The following ZMYM4 variants were observed in gnomAD, a reference collection of about 807,000 sequenced individuals.
ZMYM4 encodes the protein zinc finger MYM-type protein 4.
In ZMYM4, 31 loss-of-function variants were observed where a neutral mutation model predicts 183.2. That is an observed-to-expected ratio of 0.17 (90% CI 0.13 to 0.23). ZMYM4 has a LOEUF of 0.23. ZMYM4 is among the 10% of genes least tolerant of loss of function. The probability of loss-of-function intolerance (pLI) is 1.00; values close to 1 mark genes in which losing one functional copy is unlikely to be tolerated. For missense variants in ZMYM4, 1,273 were observed against 1,840.3 expected (o/e 0.69, Z 5.64); for synonymous variants, 592 against 631.2 (o/e 0.94, Z 0.93).
In ZMYM4 at chr1:35,419,382, C is replaced by A; in HGVS notation, c.4440-88C>A. 4 of 1,413,010 alleles carry A rather than the reference C, an allele frequency of 2.8e-6. 1 individual carries two copies. In the South Asian group the frequency reaches 5.3e-5, roughly 19 times the overall value. 87.5% of individuals were successfully genotyped at this position (1,413,010 alleles called of 1,614,324 possible). On this transcript the variant is annotated intron_variant, in intron 29 of 29. Transcript: ENST00000314607. ...TTTAATTACTTTTAATGGCAAAAAC[C>A]TCAGTTTACTTAAGAATAGTACATA...
In ZMYM4 at chr1:35,374,624, G is replaced by A. The variant is rs1304532140; in HGVS notation, c.1181+3997G>A. ...AGACTCAGCCTGGGCAACATAGTGA[G>A]ACCTGGTCCCCCCCAGCTCCTAAAA... On this transcript the variant is annotated intron_variant, in intron 7 of 29. Transcript: ENST00000314607. 5.4e-5 allele frequency among the ~76,000 whole-genome samples: 8 copies of A among 148,462 alleles called. No individual in the cohort carries two copies. In the East Asian group the frequency reaches 1.6e-3, roughly 30 times the overall value.
At chr1:35,393,824 C>G (rs979927241) in intron 18 of ZMYM4, 85 bp downstream of exon 18, 143 of 1,412,288 alleles carry the variant, frequency 1.0e-4, no homozygotes, top group Middle Eastern at 1.9e-4. Flanking sequence ...CTGCTATTTC[C>G]TAGGTGATGT....
chr1:35,288,835 A>G (rs1640625608), intron 1 of ZMYM4, among the ~76,000 whole-genome samples: 1 of 152,124 alleles, frequency 6.6e-6, no homozygotes, highest in Non-Finnish European at 1.5e-5. Flanking sequence ...ATGACCTATA[A>G]TTTGTGTCCT....
intron 1 of ZMYM4, among the ~76,000 whole-genome samples, chr1:35,306,044 T>G (rs1208560134): frequency 6.6e-6 from 1 of 152,246 alleles, no homozygotes; most frequent in African/African-American, 2.4e-5. Flanking sequence ...CCTTTTAGAC[T>G]TAATGTAGTA....
At position 35,358,931 on chromosome 1, in the gene ZMYM4, G is replaced by C. The variant is rs761108094; in HGVS notation, c.92G>C (p.Gly31Ala). The C allele has an allele frequency of 8.1e-6, 13 of 1,609,940 alleles. No individual in the cohort carries two copies. The highest frequency in any genetic ancestry group is 1.1e-5 in the Non-Finnish European group (13 of 1,177,352). Residue 31 changes from glycine to alanine, a missense_variant, in exon 3 of 30, where the codon GGT (glycine) becomes GCT (alanine). Transcript: ENST00000314607. ...VFDEIVENCG[G>A]IMDTEMSEDI... Reference sequence around the variant, plus strand: ...CAGTATTTTACTTTTTAAGGTGGTGGTATCATGGATACAGAAATGTCTGAA... The same window carrying C: ...CAGTATTTTACTTTTTAAGGTGGTGCTATCATGGATACAGAAATGTCTGAA...
chr1:35,286,772 A>ATTT lies in ZMYM4; in HGVS notation c.39+17723_39+17725dup, dbSNP rs71062872. On this transcript the variant is annotated intron_variant, in intron 1 of 29. Transcript: ENST00000314607. Reference sequence around the variant, plus strand: ...ACCCTTGTGCCTGGCTATTTAAATAATTTTTTTTTTTTTTTTTTTTTTTTT... The same window carrying ATTT: ...ACCCTTGTGCCTGGCTATTTAAATAATTTTTTTTTTTTTTTTTTTTTTTTTTTT... Among the ~76,000 whole-genome samples the ATTT allele has an allele frequency of 6.9e-4, 32 of 46,522 alleles. 5 individuals are homozygous for ATTT. The highest frequency in any genetic ancestry group is 1.1e-3 in the Non-Finnish European group (26 of 22,876). The allele number at this position is 46,522 out of a possible 152,430, so 30.5% of individuals were successfully genotyped here. A position where few individuals can be genotyped will look rare whatever the true frequency, so the allele number is the denominator to read the frequency against.
chr1:35,404,758 A>G, intron 23 of ZMYM4: 1 of 265,656 alleles, frequency 3.8e-6, no homozygotes, highest in Non-Finnish European at 7.1e-6. Flanking sequence ...AGGTGAGTCT[A>G]TATCTGGAAC....
intron 1 of ZMYM4, among the ~76,000 whole-genome samples, chr1:35,316,030 A>G (rs1642030920): frequency 6.6e-6 from 1 of 152,238 alleles, no homozygotes; most frequent in Non-Finnish European, 1.5e-5. Context: ...CTTAACAAGT[A>G]TTCAGTGTCC....
intron 1 of ZMYM4, among the ~76,000 whole-genome samples, chr1:35,288,275 T>C (rs1486038531): frequency 6.6e-6 from 1 of 152,218 alleles, no homozygotes; most frequent in Admixed American, 6.5e-5. Flanking sequence ...CCCCATTCAT[T>C]TTTACACATT....
chr1:35,311,087 G>A (rs1347603434), intron 1 of ZMYM4, among the ~76,000 whole-genome samples: 1 of 152,112 alleles, frequency 6.6e-6, no homozygotes, highest in African/African-American at 2.4e-5. Context: ...TGCCACTGTA[G>A]TGTTATCTGT....
At chr1:35,407,945 G>GT in intron 25 of ZMYM4, 63 bp from the exon 26 acceptor site, 1 of 1,600,218 alleles carries the variant, frequency 6.2e-7, no homozygotes. Flanking sequence ...TGTTTATTCA[G>GT]TTAATCAATG....
chr1:35,337,339 G>A (rs1276609696), intron 2 of ZMYM4, among the ~76,000 whole-genome samples: 1 of 152,168 alleles, frequency 6.6e-6, no homozygotes, highest in Non-Finnish European at 1.5e-5. Flanking sequence ...TCTAGCCTGA[G>A]CAACAGAGCA....
rs371294227 is a variant in ZMYM4, at chr1:35,269,052, G to T, written c.6G>T (p.Ala2=). Residue 2 remains alanine, a synonymous_variant, in exon 1 of 30, where the codon GCG becomes GCT. Transcript: ENST00000314607. ...GGTTCCGAGCGGGGCCCAACATGGC[G>T]GAGAGAGAGGTGGAGTCCGGCCCCC... The part of the protein sequence containing the change: M[A]EREVESGPRK... 160 of 1,548,218 alleles carry T rather than the reference G, an allele frequency of 1.0e-4. No homozygotes were observed. The highest frequency in any genetic ancestry group is 1.3e-4 in the Non-Finnish European group (149 of 1,146,232).
chr1:35,269,276 T>A (rs892837196), intron 1 of ZMYM4, among the ~76,000 whole-genome samples, 191 bp downstream of exon 1: 1 of 44,548 alleles, frequency 2.2e-5, no homozygotes, highest in Non-Finnish European at 4.1e-5. Flanking sequence ...AAAGATTTGG[T>A]GCTGGGTGGG....
At chr1:35,406,971 G>A (rs1645013329) in intron 25 of ZMYM4, among the ~76,000 whole-genome samples, 1 of 152,152 alleles carries the variant, frequency 6.6e-6, no homozygotes, top group African/African-American at 2.4e-5. Context: ...GGCTGATCAT[G>A]ATCTGCTCCC....
At chr1:35,393,540 A>T in intron 17 of ZMYM4, 55 bp from the exon 18 acceptor site, 1 of 1,425,650 alleles carries the variant, frequency 7.0e-7, no homozygotes, top group Non-Finnish European at 9.4e-7. Flanking sequence ...TATTTCTTAT[A>T]ATTACAATGA....
chr1:35,289,196 TAA>T (rs1227693263), intron 1 of ZMYM4, among the ~76,000 whole-genome samples: 1 of 152,232 alleles, frequency 6.6e-6, no homozygotes, highest in African/African-American at 2.4e-5. Flanking sequence ...GTGTATGATC[TAA>T]AGAGTATGAT....
chr1:35,380,591 G>C (rs570087715), intron 7 of ZMYM4, among the ~76,000 whole-genome samples: 1 of 152,174 alleles, frequency 6.6e-6, no homozygotes. Flanking sequence ...CTCCCAAAGC[G>C]TTGGGATTAC....
rs899610432 is a variant in ZMYM4 at position 35,269,000 on chromosome 1, C to G, written c.-47C>G. The stretch of plus-strand genomic sequence containing the variant: ...CGGGGGCCGGGGGGCCGAGAGGTAC[C>G]GCCGCCACCGCGCGGGGAGCCGCAG... On this transcript the variant is annotated 5_prime_UTR_variant, in exon 1 of 30. Transcript: ENST00000314607. 11 of 1,517,202 alleles carry G rather than the reference C, an allele frequency of 7.3e-6. No individual in the cohort carries two copies. The African/African-American group carries it at 8.6e-5, about 12-fold the overall frequency. The allele number at this position is 1,517,202 out of a possible 1,614,324, so 94.0% of individuals were successfully genotyped here. A position where few individuals can be genotyped will look rare whatever the true frequency, so the allele number is the denominator to read the frequency against.
Sources: gnomAD v4.1 joint callset for allele counts (sites outside exome capture counted in the v4.1 genomes callset) on GRCh38, gnomAD v4.1.1 for gene constraint, MANE v1.5 for transcripts, NCBI Gene and HGNC (gene_info 2026-07-23, HGNC 2026-07-21) for gene names.